The following RNF115 variants were observed in gnomAD, a reference collection of about 807,000 sequenced individuals.
RNF115 encodes the protein E3 ubiquitin-protein ligase RNF115.
RNF115 carries 31 observed loss-of-function variants against 39.2 expected under a neutral mutation model. The ratio of observed to expected loss-of-function variants is 0.79; its 90% CI spans 0.59 to 1.07. The LOEUF (loss-of-function observed/expected upper bound fraction) is 1.07. Among genes scored for constraint, RNF115 ranks in the 50% least tolerant of loss-of-function variants. The pLI, the probability that RNF115 is intolerant of heterozygous loss-of-function variation, is 0.00. For synonymous variants in RNF115, 124 were observed against 131.0 expected, an observed-to-expected ratio of 0.95 and a Z score of 0.37; for missense variants, 384 against 381.7, an observed-to-expected ratio of 1.01 and a Z score of -0.05.
intron 5 of RNF115, among the ~76,000 whole-genome samples, chr1:145,752,106 G>A (rs1658110219): frequency 6.6e-6 from 1 of 152,112 alleles, no homozygotes; most frequent in African/African-American, 2.4e-5. Flanking sequence ...TAAAAGGACT[G>A]AGGTTCCTTT....
chr1:145,823,948 G>C lies in RNF115; in HGVS notation c.-75C>G. The C allele has an allele frequency of 9.1e-7, 1 of 1,104,910 alleles. No individual in the cohort carries two copies. The highest frequency in any genetic ancestry group is 1.2e-6 in the Non-Finnish European group (1 of 827,386). The allele number at this position is 1,104,910 out of a possible 1,614,324, so 68.4% of individuals were successfully genotyped here. A position where few individuals can be genotyped will look rare whatever the true frequency, so the allele number is the denominator to read the frequency against. Reference sequence around the variant, plus strand: ...CCAGGCCGCTACCTCCCGAGCTGCAGTCGTCGCCGCCGCCGCCGCCTCGGT... The same window carrying C: ...CCAGGCCGCTACCTCCCGAGCTGCACTCGTCGCCGCCGCCGCCGCCTCGGT... On this transcript the variant is annotated 5_prime_UTR_variant, in exon 1 of 9. Transcript: ENST00000582693.
chr1:145,788,580 C>G (rs1414133504), intron 2 of RNF115, among the ~76,000 whole-genome samples: 1 of 152,176 alleles, frequency 6.6e-6, no homozygotes, highest in East Asian at 1.9e-4. Flanking sequence ...CTAAGAGAAG[C>G]CCCAAGTCTC....
At chr1:145,780,918 C>T (rs1380217149) in intron 3 of RNF115, among the ~76,000 whole-genome samples, 1 of 152,096 alleles carries the variant, frequency 6.6e-6, no homozygotes, top group Non-Finnish European at 1.5e-5. Context: ...AGGTCGTGGT[C>T]AGAAGTTTGC....
At chr1:145,781,972 C>T (rs892128069) in intron 3 of RNF115, among the ~76,000 whole-genome samples, 9 of 150,676 alleles carry the variant, frequency 6.0e-5, no homozygotes, top group African/African-American at 1.2e-4. Context: ...GTGCAATCTC[C>T]GCTCACTGCA....
chr1:145,771,332 G>A (rs1460798770), intron 4 of RNF115, among the ~76,000 whole-genome samples: 2 of 152,178 alleles, frequency 1.3e-5, no homozygotes, highest in South Asian at 2.1e-4. Context: ...GACACAGCAA[G>A]AAGGCCCTCG....
chr1:145,772,714 T>C (rs190559706), intron 3 of RNF115: 63 of 152,370 alleles, frequency 4.1e-4, no homozygotes, highest in African/African-American at 1.4e-3. Context: ...TGGATGTCTT[T>C]GAGTTTATCC....
chr1:145,795,041 A>G (rs1283560353), intron 1 of RNF115, among the ~76,000 whole-genome samples: 4 of 147,726 alleles, frequency 2.7e-5, no homozygotes, highest in Non-Finnish European at 6.0e-5. Context: ...AAAAAAAGAT[A>G]GTGTGTCCGG....
Position 145,740,082 on chromosome 1 carries a change from T to C in RNF115, c.*6784A>G, listed in dbSNP as rs1381013257. ...TTCATCTTAATCTTTCTCTACCTGTTTTAAATAGTTAGTTCTGTGTTTCTA... is the reference window on the plus strand; with the variant it reads ...TTCATCTTAATCTTTCTCTACCTGTCTTAAATAGTTAGTTCTGTGTTTCTA... On this transcript the variant is annotated 3_prime_UTR_variant, in exon 9 of 9. Coordinates refer to ENST00000582693, the MANE Select transcript of RNF115 (RefSeq NM_014455.4). The C allele has an allele frequency of 2.6e-5, 4 of 152,240 alleles. No homozygotes were observed. Among genetic ancestry groups the C allele is most frequent in the Admixed American group, 2.6e-4 (4 of 15,282 alleles). 9.4% of individuals were successfully genotyped at this position (152,240 alleles called of 1,614,324 possible).
At position 145,817,519 on chromosome 1, in the gene RNF115, A is replaced by C. The variant is rs1407369867; in HGVS notation, c.102+6253T>G. Among the ~76,000 whole-genome samples the C allele has an allele frequency of 2.1e-5, 3 of 146,298 alleles. No homozygotes were observed. In the East Asian group the frequency reaches 5.8e-4, roughly 28 times the overall value. On this transcript the variant is annotated intron_variant, in intron 1 of 8. Transcript: ENST00000582693. ...TAAAATTTATCCATATCTGATTTTA[A>C]CTGGGGTATTAAGCCTTTTTATATA...
intron 4 of RNF115, among the ~76,000 whole-genome samples, chr1:145,756,663 AG>A: frequency 6.6e-6 from 1 of 152,202 alleles, no homozygotes. Context: ...TAGTTCCTTC[AG>A]GAAGTTCTGA....
chr1:145,774,495 A>G (rs1559114727), intron 3 of RNF115, among the ~76,000 whole-genome samples: 1 of 151,860 alleles, frequency 6.6e-6, no homozygotes, highest in Non-Finnish European at 1.5e-5. Flanking sequence ...GATTACAGGC[A>G]TGTGACACCA....
At chr1:145,811,910 T>A (rs1268590901) in intron 1 of RNF115, among the ~76,000 whole-genome samples, 1,410 of 62,070 alleles carry the variant, frequency 0.023, 6 homozygotes, top group Non-Finnish European at 0.035. Flanking sequence ...AAAAAAAAAA[T>A]ATATATATAT....
chr1:145,740,580 C>T lies in RNF115; in HGVS notation c.*6286G>A, dbSNP rs946084120. Reference sequence around the variant, plus strand: ...GTTTTCTGGACACGCATCTTAGCCCCAATCTGTATGAGTGATTCACAAACA... The same window carrying T: ...GTTTTCTGGACACGCATCTTAGCCCTAATCTGTATGAGTGATTCACAAACA... On this transcript the variant is annotated 3_prime_UTR_variant, in exon 9 of 9. Coordinates refer to ENST00000582693, the MANE Select transcript of RNF115 (RefSeq NM_014455.4). 6.6e-6 allele frequency: 1 copy of T among 152,216 alleles called. No homozygotes were observed. Among genetic ancestry groups the T allele is most frequent in the Non-Finnish European group, 1.5e-5 (1 of 68,044 alleles). The allele number at this position is 152,216 out of a possible 1,614,324, so 9.4% of individuals were successfully genotyped here. A position where few individuals can be genotyped will look rare whatever the true frequency, so the allele number is the denominator to read the frequency against.
chr1:145,772,039 A>C, intron 3 of RNF115, 120 bp from the exon 4 acceptor site: 1 of 762,784 alleles, frequency 1.3e-6, no homozygotes, highest in African/African-American at 1.8e-5. Context: ...CTTCTTCTGC[A>C]GAGGTACCAG....
intron 1 of RNF115, among the ~76,000 whole-genome samples, chr1:145,795,381 G>C (rs1224862788): frequency 1.3e-5 from 2 of 152,090 alleles, no homozygotes; most frequent in African/African-American, 4.8e-5. Flanking sequence ...CTGCTGGCTG[G>C]TACGGCCAGC....
In RNF115 at chr1:145,771,939, A is replaced by T. The variant is rs1647662483; in HGVS notation, c.220-20T>A. On this transcript the variant is annotated intron_variant, in intron 3 of 8. Coordinates refer to ENST00000582693, the MANE Select transcript of RNF115 (RefSeq NM_014455.4). ...CCAAAGCTAGTAAAGACCAGAAATA[A>T]GTCACATGTTAGAAAAATCAATCAA... is the stretch of plus-strand genomic sequence containing the variant. The T allele has an allele frequency of 1.3e-6, 2 of 1,595,278 alleles. No homozygotes were observed. Among genetic ancestry groups the T allele is most frequent in the African/African-American group, 2.7e-5 (2 of 74,242 alleles).
chr1:145,782,468 C>T (rs1559118467), intron 3 of RNF115, among the ~76,000 whole-genome samples: 1 of 152,174 alleles, frequency 6.6e-6, no homozygotes, highest in Non-Finnish European at 1.5e-5. Flanking sequence ...CACACACACA[C>T]ACACTTCTTA....
intron 1 of RNF115, among the ~76,000 whole-genome samples, chr1:145,809,295 T>A (rs1649594031): frequency 6.6e-6 from 1 of 151,306 alleles, no homozygotes; most frequent in South Asian, 2.1e-4. Flanking sequence ...CAAGTGGTTA[T>A]CCTCCCTCAG....
chr1:145,751,655 T>C, intron 5 of RNF115, 145 bp from the exon 6 acceptor site: 1 of 532,088 alleles, frequency 1.9e-6, no homozygotes, highest in Non-Finnish European at 3.4e-6. Context: ...AAGAATTCTG[T>C]ACATTTTCAA....
Sources: gnomAD v4.1 joint callset for allele counts (sites outside exome capture counted in the v4.1 genomes callset) on GRCh38, gnomAD v4.1.1 for gene constraint, MANE v1.5 for transcripts, NCBI Gene and HGNC (gene_info 2026-07-23, HGNC 2026-07-21) for gene names.